Variants in CCDC148 observed in about 807,000 individuals in gnomAD.
CCDC148 encodes coiled-coil domain containing 148.
Under a neutral mutation model 85.7 loss-of-function variants are expected in CCDC148, and 89 were observed. The ratio of observed to expected loss-of-function variants is 1.04; its 90% CI spans 0.87 to 1.24. The LOEUF is 1.24. CCDC148 is among the 50% of genes most tolerant of loss of function. The probability of loss-of-function intolerance (pLI) is 0.00; values close to 1 mark genes in which losing one functional copy is unlikely to be tolerated. For synonymous variants in CCDC148, 230 were observed against 213.9 expected (o/e 1.08, Z -0.66); for missense variants, 692 against 671.7 (o/e 1.03, Z -0.33).
intron 1 of CCDC148, among the ~76,000 whole-genome samples, chr2:158,401,803 A>T (rs1159641384): frequency 6.6e-6 from 1 of 152,004 alleles, no homozygotes; most frequent in Non-Finnish European, 1.5e-5. Context: ...AATAAGGGAG[A>T]GGGCAGGGCA....
chr2:158,323,309 A>T (rs1403869980), intron 7 of CCDC148, among the ~76,000 whole-genome samples: 5 of 152,238 alleles, frequency 3.3e-5, no homozygotes, highest in African/African-American at 9.6e-5. Context: ...AAGACTTCAT[A>T]TGAAAAAAGA....
intron 1 of CCDC148, among the ~76,000 whole-genome samples, chr2:158,440,957 G>A (rs547039932): frequency 2.0e-5 from 3 of 152,104 alleles, no homozygotes; most frequent in Non-Finnish European, 4.4e-5. Flanking sequence ...TGAGTCAGGA[G>A]CATTGCTTGA....
At chr2:158,224,336 T>A (rs1414545258) in intron 10 of CCDC148, among the ~76,000 whole-genome samples, 1 of 152,178 alleles carries the variant, frequency 6.6e-6, no homozygotes, top group Non-Finnish European at 1.5e-5. Flanking sequence ...AATCTACATC[T>A]GATTGGTGTA....
intron 11 of CCDC148, among the ~76,000 whole-genome samples, chr2:158,199,305 C>T (rs2105280713): frequency 6.6e-6 from 1 of 152,198 alleles, no homozygotes. Context: ...AGGGTAGTGG[C>T]ACCATCTCGG....
chr2:158,406,629 T>TTTTTTTGTTTTTG (rs1553518868), intron 1 of CCDC148, among the ~76,000 whole-genome samples: 4 of 117,490 alleles, frequency 3.4e-5, no homozygotes, highest in Admixed American at 9.7e-5. Flanking sequence ...TTTTTTTTTT[T>TTTTTTTGTTTTTG]TTTTTTTTTT....
At chr2:158,176,994 C>T (rs1408543034) in intron 12 of CCDC148, among the ~76,000 whole-genome samples, 2 of 152,040 alleles carry the variant, frequency 1.3e-5, no homozygotes, top group East Asian at 1.9e-4. Flanking sequence ...ACATATTCAA[C>T]CAACTTGAAA....
At chr2:158,189,070 T>A (rs1234136321) in intron 11 of CCDC148, among the ~76,000 whole-genome samples, 2 of 151,634 alleles carry the variant, frequency 1.3e-5, no homozygotes, top group Non-Finnish European at 2.9e-5. Context: ...ATGGCTATAA[T>A]TAAAAAGTAA....
chr2:158,339,154 C>G, intron 5 of CCDC148, 69 bp from the exon 6 acceptor site: 1 of 1,166,088 alleles, frequency 8.6e-7, no homozygotes, highest in Non-Finnish European at 1.3e-6. Flanking sequence ...TTTAAAGACA[C>G]AATAATTATT....
chr2:158,178,835 T>C (rs1361877218), intron 12 of CCDC148, 44 bp downstream of exon 12: 1 of 1,359,994 alleles, frequency 7.4e-7, no homozygotes, highest in Non-Finnish European at 1.0e-6. Context: ...TAGAAACATT[T>C]TTTTTAAAAA....
At chr2:158,438,845 C>T (rs576120858) in intron 1 of CCDC148, among the ~76,000 whole-genome samples, 2 of 152,272 alleles carry the variant, frequency 1.3e-5, no homozygotes, top group East Asian at 3.9e-4. Context: ...CAAAAGAAGA[C>T]ATTTATGCAG....
intron 1 of CCDC148, among the ~76,000 whole-genome samples, chr2:158,400,552 T>G (rs1042317853): frequency 2.3e-4 from 35 of 152,082 alleles, no homozygotes; most frequent in Non-Finnish European, 5.0e-4. Flanking sequence ...TATACAAAAA[T>G]TAACTCAAGA....
At chr2:158,303,874 T>A (rs1691562292) in intron 9 of CCDC148, among the ~76,000 whole-genome samples, 1 of 152,192 alleles carries the variant, frequency 6.6e-6, no homozygotes, top group Admixed American at 6.5e-5. Context: ...AGCTTAGATT[T>A]GTCATTGAAG....
intron 1 of CCDC148, among the ~76,000 whole-genome samples, chr2:158,403,837 A>G (rs1425647870): frequency 6.6e-6 from 1 of 152,158 alleles, no homozygotes; most frequent in Non-Finnish European, 1.5e-5. Context: ...CAGTTGTCCC[A>G]GCACCACAAG....
chr2:158,298,598 T>G (rs1023400059), intron 9 of CCDC148, among the ~76,000 whole-genome samples: 1 of 152,172 alleles, frequency 6.6e-6, no homozygotes, highest in Non-Finnish European at 1.5e-5. Context: ...TTCTATTGGC[T>G]TGTCTTCAAG....
At chr2:158,363,332 G>T (rs1217021298) in intron 1 of CCDC148, among the ~76,000 whole-genome samples, 2 of 152,110 alleles carry the variant, frequency 1.3e-5, no homozygotes. Flanking sequence ...GCATCATCCT[G>T]ATACCAAAAC....
At chr2:158,238,456 A>G (rs1040137952) in intron 10 of CCDC148, among the ~76,000 whole-genome samples, 4 of 152,170 alleles carry the variant, frequency 2.6e-5, no homozygotes, top group African/African-American at 7.2e-5. Context: ...AAATCACACC[A>G]AAATCATTAC....
At chr2:158,317,669 G>GT (rs1197460701) in intron 7 of CCDC148, among the ~76,000 whole-genome samples, 2 of 152,162 alleles carry the variant, frequency 1.3e-5, no homozygotes, top group African/African-American at 4.8e-5. Context: ...TTCTGGTTCC[G>GT]TGACATTCAA....
intron 1 of CCDC148, among the ~76,000 whole-genome samples, chr2:158,406,623 T>TCTGG (rs372903099): frequency 6.8e-5 from 7 of 102,860 alleles, no homozygotes; most frequent in South Asian, 2.7e-4. Context: ...CTTTTTTTTT[T>TCTGG]TTTTTTTTTT....
chr2:158,220,243 G>T (rs1318706920), intron 11 of CCDC148, among the ~76,000 whole-genome samples: 1 of 152,142 alleles, frequency 6.6e-6, no homozygotes, highest in Non-Finnish European at 1.5e-5. Context: ...CACAGTAAAT[G>T]GGTCTTCCTT....
Sources: allele counts gnomAD v4.1 joint callset (sites outside exome capture counted in the v4.1 genomes callset), GRCh38; gene constraint gnomAD v4.1.1; transcripts MANE v1.5; gene names NCBI Gene and HGNC (gene_info 2026-07-23, HGNC 2026-07-21).